SSPN: variants seen among roughly 807,000 people sequenced by gnomAD.
The protein encoded by SSPN is sarcospan.
A neutral mutation model predicts 19.1 loss-of-function variants in SSPN; 15 were observed. That is an observed-to-expected ratio of 0.78 (90% CI 0.52 to 1.21). The LOEUF (loss-of-function observed/expected upper bound fraction) is 1.21, where lower values mean the gene tolerates loss of function less well. Among genes scored for constraint, SSPN ranks in the 50% most tolerant of loss-of-function variants. The probability of loss-of-function intolerance (pLI) is 0.00; values close to 1 mark genes in which losing one functional copy is unlikely to be tolerated. For missense variants in SSPN, 291 were observed against 314.0 expected (o/e 0.93, Z 0.55); for synonymous variants, 147 against 140.3 (o/e 1.05, Z -0.34).
At chr12:26,204,420 T>C (rs1565686455) in intron 1 of SSPN, among the ~76,000 whole-genome samples, 1 of 152,228 alleles carries the variant, frequency 6.6e-6, no homozygotes, top group Non-Finnish European at 1.5e-5. Context: ...ATTAACTCTT[T>C]AAGGCTTAGG....
At chr12:26,195,546 A>C, upstream of SSPN, 2 of 1,280,854 alleles carry the variant, frequency 1.6e-6, no homozygotes, top group Non-Finnish European at 2.0e-6. Context: ...GTCGGCTCCA[A>C]ATGTTTTCCA....
At chr12:26,141,932 G>A (rs1944462737) in intron 1 of SSPN, among the ~76,000 whole-genome samples, 2 of 152,158 alleles carry the variant, frequency 1.3e-5, no homozygotes, top group Non-Finnish European at 2.9e-5. Context: ...GGAGTCACAG[G>A]CACCCATAGG....
rs929368440 is a variant in SSPN at position 26,143,107 on chromosome 12, A to G, written c.-31+20955A>G. On this transcript the variant is annotated intron_variant, in intron 1 of 2. Coordinates refer to the SSPN transcript ENST00000538142. ...CAGTAGGATATCATACACATATTAC[A>G]TTTATGACAAATTAATATGGCCACT... Among the ~76,000 whole-genome samples the G allele has an allele frequency of 7.9e-5, 12 of 152,344 alleles. No individual in the cohort carries two copies. In the East Asian group the frequency reaches 2.3e-3, roughly 29 times the overall value.
At chr12:26,140,347 A>G (rs1448205229) in intron 1 of SSPN, among the ~76,000 whole-genome samples, 1 of 152,016 alleles carries the variant, frequency 6.6e-6, no homozygotes, top group African/African-American at 2.4e-5. Flanking sequence ...TCTTTTATTA[A>G]TTTTCTACAT....
At chr12:26,123,649 C>A in intron 1 of SSPN, 2 of 1,613,528 alleles carry the variant, frequency 1.2e-6, no homozygotes, top group East Asian at 2.2e-5. Flanking sequence ...AAGCAATTAT[C>A]TTCTGATGCT....
rs562311290 is a variant in SSPN at position 26,186,545 on chromosome 12, G to A, written c.-30-37748G>A. The stretch of plus-strand genomic sequence containing the variant: ...CCACACAAGTTGACAAAAACATTCT[G>A]TTATTCAGTTTTCTTGTCTTTTTGG... On this transcript the variant is annotated intron_variant, in intron 1 of 2. Transcript: ENST00000538142. 5.3e-5 allele frequency among the ~76,000 whole-genome samples: 8 copies of A among 152,282 alleles called. No homozygotes were observed. In the East Asian group the frequency reaches 1.4e-3, roughly 26 times the overall value.
intron 1 of SSPN, among the ~76,000 whole-genome samples, chr12:26,157,135 C>T (rs955835863): frequency 6.6e-6 from 1 of 152,160 alleles, no homozygotes; most frequent in Non-Finnish European, 1.5e-5. Flanking sequence ...CATTCAGCTC[C>T]GTCTTGTTAG....
intron 1 of SSPN, chr12:26,123,031 G>T: frequency 6.3e-7 from 1 of 1,575,156 alleles, no homozygotes; most frequent in Non-Finnish European, 8.6e-7. Context: ...TGGTTGATCA[G>T]CTGGACACAC....
intron 1 of SSPN, among the ~76,000 whole-genome samples, chr12:26,138,692 T>C (rs11830209): frequency 0.13 from 20,103 of 152,162 alleles, 2,931 homozygotes; most frequent in African/African-American, 0.36. Context: ...GCCCACATAC[T>C]GATCAATCCA....
intron 1 of SSPN, among the ~76,000 whole-genome samples, chr12:26,137,975 G>C (rs1377204072): frequency 6.6e-6 from 1 of 151,802 alleles, no homozygotes; most frequent in Non-Finnish European, 1.5e-5. Flanking sequence ...CTACTATGTT[G>C]AATATTAACA....
At position 26,230,737 on chromosome 12, in the gene SSPN, G is replaced by C; in HGVS notation, c.393G>C (p.Leu131=). 1 of 1,613,890 alleles carries C rather than the reference G, an allele frequency of 6.2e-7. No individual in the cohort carries two copies. Among genetic ancestry groups the C allele is most frequent in the Non-Finnish European group, 8.5e-7 (1 of 1,179,840 alleles). The stretch of plus-strand genomic sequence containing the variant: ...TGTTATACTTTCTGCTGAGTGCCCT[G>C]GGCCTGACGGTCTGTGTGCTGGCCG... ...MKLLYFLLSA[L]GLTVCVLAVA... The change falls in exon 3 of 3, where the codon CTG becomes CTC. Residue 131 remains leucine (L), a synonymous_variant. Coordinates refer to ENST00000242729, the MANE Select transcript of SSPN (RefSeq NM_005086.5).
At chr12:26,187,108 C>G (rs184342002) in intron 1 of SSPN, among the ~76,000 whole-genome samples, 50 of 152,250 alleles carry the variant, frequency 3.3e-4, no homozygotes, top group African/African-American at 1.2e-3. Flanking sequence ...ACCCCAGAAT[C>G]CTTGTCTCAT....
At chr12:26,227,706 A>G (rs1003847396) in intron 2 of SSPN, among the ~76,000 whole-genome samples, 3 of 152,268 alleles carry the variant, frequency 2.0e-5, no homozygotes, top group African/African-American at 7.2e-5. Flanking sequence ...CTTTACAGAC[A>G]TCAACTCTTT....
Position 26,145,515 on chromosome 12 carries a change from ACATTAG to A in SSPN, c.-31+23368_-31+23373del, listed in dbSNP as rs1944485092. On this transcript the variant is annotated intron_variant, in intron 1 of 2. Coordinates refer to the SSPN transcript ENST00000538142. ...CACAGTGGTGTCCGCTATGCCTGGGACATTAGCATTGGTACCCTGTTAGGAGATGGC... is the reference window on the plus strand; with the variant it reads ...CACAGTGGTGTCCGCTATGCCTGGGACATTGGTACCCTGTTAGGAGATGGC... 5.9e-5 allele frequency among the ~76,000 whole-genome samples: 9 copies of A among 152,318 alleles called. No individual in the cohort carries two copies. The South Asian group carries it at 1.9e-3, about 32-fold the overall frequency.
chr12:26,209,340 A>T (rs965854111), intron 1 of SSPN, among the ~76,000 whole-genome samples: 3 of 151,994 alleles, frequency 2.0e-5, no homozygotes, highest in African/African-American at 7.2e-5. Flanking sequence ...AAAAATGTGG[A>T]TTCTCTCATT....
At chr12:26,127,988 A>G (rs938235331) in intron 1 of SSPN, among the ~76,000 whole-genome samples, 1 of 152,234 alleles carries the variant, frequency 6.6e-6, no homozygotes, top group East Asian at 1.9e-4. Flanking sequence ...TCATTTCCAC[A>G]ACCCTCTAAG....
chr12:26,139,759 G>A (rs1374971361), intron 1 of SSPN, among the ~76,000 whole-genome samples: 1 of 152,158 alleles, frequency 6.6e-6, no homozygotes, highest in Non-Finnish European at 1.5e-5. Flanking sequence ...GAACTGATGG[G>A]CTTTGATTAT....
At chr12:26,164,810 G>A (rs912889567) in intron 1 of SSPN, among the ~76,000 whole-genome samples, 6 of 151,994 alleles carry the variant, frequency 3.9e-5, no homozygotes, top group Non-Finnish European at 8.8e-5. Flanking sequence ...TCTTTTCTCT[G>A]CAGTATTAAC....
At chr12:26,123,757 A>G in intron 1 of SSPN, 1 of 1,544,496 alleles carries the variant, frequency 6.5e-7, no homozygotes. Flanking sequence ...GTGGTGCAAA[A>G]AAGAAACGGG....
Sources: allele counts gnomAD v4.1 joint callset (sites outside exome capture counted in the v4.1 genomes callset), GRCh38; gene constraint gnomAD v4.1.1; transcripts MANE v1.5; gene names NCBI Gene and HGNC (gene_info 2026-07-23, HGNC 2026-07-21).